Variants in XAF1 observed in about 807,000 individuals in gnomAD.
XAF1 encodes the protein XIAP associated factor 1.
XAF1 carries 32 observed loss-of-function variants against 32.3 expected under a neutral mutation model. That is an observed-to-expected ratio of 0.99 (90% CI 0.75 to 1.33). The LOEUF (loss-of-function observed/expected upper bound fraction) is 1.33. Among genes scored for constraint, XAF1 ranks in the 40% most tolerant of loss-of-function variants. The pLI is 0.00. For synonymous variants in XAF1, 120 were observed against 125.9 expected, an observed-to-expected ratio of 0.95 and a Z score of 0.31; for missense variants, 379 against 366.0, an observed-to-expected ratio of 1.04 and a Z score of -0.29.
intron 5 of XAF1, among the ~76,000 whole-genome samples, chr17:6,768,186 C>T (rs1017043198): frequency 1.9e-4 from 29 of 151,712 alleles, no homozygotes; most frequent in African/African-American, 5.8e-4. Flanking sequence ...TGCAGTGGCA[C>T]GATCTTGGCT....
rs975090227 is a variant in XAF1 at position 6,774,440 on chromosome 17, T to G, written c.*1271T>G. 6.6e-5 allele frequency: 10 copies of G among 152,136 alleles called. No homozygotes were observed. The highest frequency in any genetic ancestry group is 2.2e-4 in the African/African-American group (9 of 41,418). 9.4% of individuals were successfully genotyped at this position (152,136 alleles called of 1,614,324 possible). On this transcript the variant is annotated 3_prime_UTR_variant, in exon 7 of 7. Transcript: ENST00000361842. ...ACTCAAGATGGATTAAAGACTTAAA[T>G]GTAAAACCCCAAACTATAAAAACTC...
At chr17:6,762,033 A>G in intron 4 of XAF1, 122 bp from the exon 5 acceptor site, 1 of 1,557,268 alleles carries the variant, frequency 6.4e-7, no homozygotes, top group Non-Finnish European at 8.7e-7. Flanking sequence ...GAAAGTCAAG[A>G]CCAGGCAGGT....
chr17:6,762,114 C>CA, intron 4 of XAF1, 41 bp from the exon 5 acceptor site: 1 of 1,611,046 alleles, frequency 6.2e-7, no homozygotes, highest in Non-Finnish European at 8.5e-7. Flanking sequence ...TAGCCGTTGA[C>CA]AAGGACAATC....
At chr17:6,756,946 G>A (rs1173885735) in intron 1 of XAF1, among the ~76,000 whole-genome samples, 2 of 151,720 alleles carry the variant, frequency 1.3e-5, no homozygotes, top group African/African-American at 4.8e-5. Context: ...GCTGCCACAA[G>A]CAAGAGCTGA....
chr17:6,759,739 C>T (rs374415512), intron 3 of XAF1, 21 bp downstream of exon 3: 62 of 1,613,838 alleles, frequency 3.8e-5, no homozygotes, highest in Non-Finnish European at 5.3e-5. Context: ...CATGTGATTT[C>T]TCCTTTACAG....
intron 5 of XAF1, among the ~76,000 whole-genome samples, chr17:6,767,984 T>A (rs148639867): frequency 2.5e-4 from 38 of 152,350 alleles, no homozygotes; most frequent in Admixed American, 1.4e-3. Context: ...ACTGTAACTA[T>A]CTTACATGAA....
intron 2 of XAF1, chr17:6,759,413 CT>C (rs1201028966): frequency 2.2e-6 from 3 of 1,381,128 alleles, no homozygotes; most frequent in Non-Finnish European, 2.8e-6. Context: ...CCTGGGGCCC[CT>C]GATCTGTCTC....
intron 6 of XAF1, among the ~76,000 whole-genome samples, chr17:6,772,250 C>T (rs546040199): frequency 3.9e-5 from 6 of 152,172 alleles, no homozygotes; most frequent in African/African-American, 1.4e-4. Context: ...AAATACAGGA[C>T]ATTCAGTCAA....
chr17:6,758,207 A>G lies in XAF1; in HGVS notation c.151A>G (p.Lys51Glu), dbSNP rs1249995286. The change falls in exon 2 of 7, where the codon AAG (lysine) becomes GAG (glutamate). Residue 51 changes from lysine (K) to glutamate (E), a missense_variant. Coordinates refer to ENST00000361842, the MANE Select transcript of XAF1 (RefSeq NM_017523.5). ...CAAGGAAACCATGGAGGAGCACTGCAAGCTTGAGCACCAGCAGGTGAGGAG... is the reference window on the plus strand; with the variant it reads ...CAAGGAAACCATGGAGGAGCACTGCGAGCTTGAGCACCAGCAGGTGAGGAG... The part of the protein sequence containing the change: ...VPKETMEEHC[K>E]LEHQQVGCTM... 9.9e-6 allele frequency: 16 copies of G among 1,614,102 alleles called. No individual in the cohort carries two copies. The highest frequency in any genetic ancestry group is 1.4e-5 in the Non-Finnish European group (16 of 1,180,044).
At chr17:6,756,278 A>C (rs1974647826) in intron 1 of XAF1, 168 bp downstream of exon 1, 3 of 1,351,116 alleles carry the variant, frequency 2.2e-6, no homozygotes, top group Admixed American at 5.6e-5. Context: ...TAAACTTGGT[A>C]ATCTCTGGGT....
intron 5 of XAF1, 25 bp downstream of exon 5, chr17:6,762,265 A>G (rs763900770): frequency 6.4e-7 from 1 of 1,566,988 alleles, no homozygotes; most frequent in South Asian, 1.2e-5. Flanking sequence ...GTAATTTTCT[A>G]ATGGTGCCAA....
chr17:6,772,673 T>C (rs1401130007), intron 6 of XAF1, among the ~76,000 whole-genome samples: 2 of 152,114 alleles, frequency 1.3e-5, no homozygotes, highest in African/African-American at 2.4e-5. Flanking sequence ...TTTCACCATG[T>C]TGTCCATGCT....
chr17:6,772,613 G>T (rs1395558345), intron 6 of XAF1, among the ~76,000 whole-genome samples: 1 of 151,648 alleles, frequency 6.6e-6, no homozygotes, highest in Non-Finnish European at 1.5e-5. Context: ...TGGGAGTACA[G>T]GCACCCGCCA....
rs113141167 is a variant in XAF1 at position 6,768,129 on chromosome 17, C to CTT, written c.508-2504_508-2503dup. On this transcript the variant is annotated intron_variant, in intron 5 of 6. Coordinates refer to ENST00000361842, the MANE Select transcript of XAF1 (RefSeq NM_017523.5). ...TTTTGCTTTTTTTCTTTCTTTCTTT[C>CTT]TTTTTTTTTTTGAGACAAAAGTCTC... is the stretch of plus-strand genomic sequence containing the variant. Among the ~76,000 whole-genome samples, 672 of 144,958 alleles carry CTT rather than the reference C, an allele frequency of 4.6e-3. 7 individuals carry two copies. The highest frequency in any genetic ancestry group is 0.016 in the African/African-American group (625 of 39,812).
At chr17:6,767,038 G>A (rs1225678184) in intron 5 of XAF1, among the ~76,000 whole-genome samples, 1 of 152,158 alleles carries the variant, frequency 6.6e-6, no homozygotes, top group African/African-American at 2.4e-5. Context: ...TTATATGTCT[G>A]AAAATGAAAG....
intron 1 of XAF1, 48 bp downstream of exon 1, chr17:6,756,158 G>A (rs757260981): frequency 3.8e-5 from 61 of 1,613,626 alleles, no homozygotes; most frequent in Non-Finnish European, 4.8e-5. Flanking sequence ...GCGAGGGAGA[G>A]ACGTAGACGA....
intron 6 of XAF1, 200 bp downstream of exon 6, chr17:6,771,184 G>A (rs1976010358): frequency 1.9e-6 from 1 of 524,726 alleles, no homozygotes; most frequent in East Asian, 3.2e-5. Flanking sequence ...GAGAGACTGA[G>A]TCACCTTTGA....
upstream of XAF1, chr17:6,755,738 A>G: frequency 8.9e-7 from 1 of 1,119,342 alleles, no homozygotes. Context: ...TGGAAAAGGG[A>G]TGGAGACCCA....
intron 5 of XAF1, among the ~76,000 whole-genome samples, chr17:6,770,184 T>C (rs1975912477): frequency 6.6e-6 from 1 of 152,232 alleles, no homozygotes; most frequent in African/African-American, 2.4e-5. Context: ...CGAACAGTTC[T>C]GAAGACTGGG....
Sources: gnomAD v4.1 joint callset for allele counts (sites outside exome capture counted in the v4.1 genomes callset) on GRCh38, gnomAD v4.1.1 for gene constraint, MANE v1.5 for transcripts, NCBI Gene and HGNC (gene_info 2026-07-23, HGNC 2026-07-21) for gene names.